The following KPNA6 variants were observed in gnomAD, a reference collection of about 807,000 sequenced individuals.
KPNA6 encodes the protein karyopherin subunit alpha 6.
KPNA6 carries 9 observed loss-of-function variants against 72.0 expected under a neutral mutation model. The ratio of observed to expected loss-of-function variants is 0.13; its 90% confidence interval spans 0.08 to 0.22. The LOEUF (loss-of-function observed/expected upper bound fraction) is 0.22. Among genes scored for constraint, KPNA6 ranks in the 10% least tolerant of loss-of-function variants. KPNA6 has a pLI of 1.00. For missense variants in KPNA6, 374 were observed against 655.7 expected (o/e 0.57, Z 4.69); for synonymous variants, 219 against 242.1 (o/e 0.90, Z 0.89).
At chr1:32,143,832 A>C (rs146266816) in intron 1 of KPNA6, among the ~76,000 whole-genome samples, 1 of 152,258 alleles carries the variant, frequency 6.6e-6, no homozygotes, top group East Asian at 1.9e-4. Flanking sequence ...ACCTCATGTA[A>C]GTGGAATATT....
chr1:32,162,465 T>C lies in KPNA6; in HGVS notation c.852T>C (p.Asn284=). 6.2e-7 allele frequency: 1 copy of C among 1,614,148 alleles called. No individual in the cohort carries two copies. The highest frequency in any genetic ancestry group is 8.5e-7 in the Non-Finnish European group (1 of 1,180,036). ...WALSYLSDGP[N]EKIQAVIDSG... is the part of the protein sequence containing the mutation. Reference sequence around the variant, plus strand: ...TTTCTTATCTGTCTGATGGCCCCAATGAGAAGATCCAGGCAGTCATAGACT... The same window carrying C: ...TTTCTTATCTGTCTGATGGCCCCAACGAGAAGATCCAGGCAGTCATAGACT... The change falls in exon 9 of 14, where the codon AAT becomes AAC. Residue 284 remains asparagine, a synonymous_variant. Coordinates refer to ENST00000373625, the MANE Select transcript of KPNA6 (RefSeq NM_012316.5).
intron 12 of KPNA6, among the ~76,000 whole-genome samples, chr1:32,168,293 G>A (rs1642374867): frequency 6.6e-6 from 1 of 152,190 alleles, no homozygotes; most frequent in African/African-American, 2.4e-5. Flanking sequence ...AGGTTCAAGC[G>A]ATTCTTCTGC....
chr1:32,138,357 A>G lies in KPNA6; in HGVS notation c.5-16231A>G, dbSNP rs948810627. 2.0e-5 allele frequency among the ~76,000 whole-genome samples: 3 copies of G among 151,982 alleles called. No homozygotes were observed. The East Asian group carries it at 5.8e-4, about 30-fold the overall frequency. On this transcript the variant is annotated intron_variant, in intron 1 of 13. Transcript: ENST00000373625. ...ATCAGGAGTCGAGACCAGCCTGACC[A>G]ACATGGAGAAACCCCATCTCTACTA... is the stretch of plus-strand genomic sequence containing the variant.
intron 1 of KPNA6, among the ~76,000 whole-genome samples, chr1:32,130,894 T>C (rs1187554474): frequency 6.6e-6 from 1 of 152,156 alleles, no homozygotes; most frequent in African/African-American, 2.4e-5. Context: ...TAGATAAACA[T>C]ATGCAGAAGA....
At chr1:32,147,611 T>G (rs1383545004) in intron 1 of KPNA6, among the ~76,000 whole-genome samples, 2 of 151,762 alleles carry the variant, frequency 1.3e-5, no homozygotes, top group Middle Eastern at 3.4e-3. Flanking sequence ...TTTCGGCACT[T>G]TCTTATTCTA....
In KPNA6 at chr1:32,133,154, G is replaced by GGCT. The variant is rs554090869; in HGVS notation, c.5-21434_5-21433insGCT. Among the ~76,000 whole-genome samples, 306 of 152,008 alleles carry GGCT rather than the reference G, an allele frequency of 2.0e-3. 1 individual carries two copies. The highest frequency in any genetic ancestry group is 6.8e-3 in the African/African-American group (282 of 41,514). ...AGCCCAGGAATTTGAGACTAGCCTG[G>GGCT]AAAACATGTTGAAACCTCATCTCTA... On this transcript the variant is annotated intron_variant, in intron 1 of 13. Coordinates refer to ENST00000373625, the MANE Select transcript of KPNA6 (RefSeq NM_012316.5).
At chr1:32,143,694 CAT>C (rs1641882388) in intron 1 of KPNA6, among the ~76,000 whole-genome samples, 1 of 151,812 alleles carries the variant, frequency 6.6e-6, no homozygotes, top group Non-Finnish European at 1.5e-5. Context: ...TGACCATCAT[CAT>C]CACTATTTCC....
intron 1 of KPNA6, among the ~76,000 whole-genome samples, chr1:32,113,948 C>T (rs1641283276): frequency 6.6e-6 from 1 of 152,154 alleles, no homozygotes; most frequent in African/African-American, 2.4e-5. Flanking sequence ...CAGTAACTTG[C>T]TCCATTGAAG....
At chr1:32,150,178 G>A (rs1234344613) in intron 1 of KPNA6, among the ~76,000 whole-genome samples, 1 of 142,154 alleles carries the variant, frequency 7.0e-6, no homozygotes, top group Non-Finnish European at 1.5e-5. Flanking sequence ...TATTGCCCAG[G>A]CTGTAGTGCA....
intron 1 of KPNA6, among the ~76,000 whole-genome samples, chr1:32,119,605 C>T (rs1469059635): frequency 2.6e-5 from 4 of 152,164 alleles, no homozygotes; most frequent in Non-Finnish European, 4.4e-5. Flanking sequence ...CAAAGGGAGA[C>T]TGTTAGATGA....
At chr1:32,116,465 CCTGACTAA>C (rs1185773330) in intron 1 of KPNA6, among the ~76,000 whole-genome samples, 1 of 152,094 alleles carries the variant, frequency 6.6e-6, no homozygotes, top group African/African-American at 2.4e-5. Flanking sequence ...TCAAGATCAG[CCTGACTAA>C]CATGGAGAAA....
In KPNA6 at chr1:32,154,700, G is replaced by A. The variant is rs918912345; in HGVS notation, c.117G>A (p.Arg39=). The change falls in exon 2 of 14, where the codon CGG becomes CGA. Residue 39 remains arginine, a synonymous_variant. Coordinates refer to ENST00000373625, the MANE Select transcript of KPNA6 (RefSeq NM_012316.5). The part of the protein sequence containing the change: ...RRREEEGIQL[R]KQKREQQLFK... ...GAGAGGAAGAGGGCATTCAGCTCCG[G>A]AAGCAGAAGCGAGAGCAACAAGTGA... is the stretch of plus-strand genomic sequence containing the variant. 2.5e-6 allele frequency: 4 copies of A among 1,613,958 alleles called. No individual in the cohort carries two copies. Among genetic ancestry groups the A allele is most frequent in the South Asian group, 1.1e-5 (1 of 91,084 alleles).
At chr1:32,153,771 G>T (rs779239767) in intron 1 of KPNA6, among the ~76,000 whole-genome samples, 8 of 152,078 alleles carry the variant, frequency 5.3e-5, no homozygotes, top group African/African-American at 7.2e-5. Context: ...TTTGTCAGTG[G>T]CAGTACTATG....
chr1:32,160,977 G>A (rs1642227498), intron 7 of KPNA6, among the ~76,000 whole-genome samples: 1 of 152,114 alleles, frequency 6.6e-6, no homozygotes, highest in Non-Finnish European at 1.5e-5. Flanking sequence ...GCAACATGGT[G>A]AAACCCCAAC....
At position 32,175,944 on chromosome 1, in the gene KPNA6, AAAAT is replaced by A. The variant is rs1464919972; in HGVS notation, c.*5054_*5057del. 6.6e-6 allele frequency: 1 copy of A among 151,880 alleles called. No homozygotes were observed. Among genetic ancestry groups the A allele is most frequent in the African/African-American group, 2.4e-5 (1 of 41,304 alleles). The allele number at this position is 151,880 out of a possible 1,614,324, so 9.4% of individuals were successfully genotyped here. On this transcript the variant is annotated 3_prime_UTR_variant, in exon 14 of 14. Transcript: ENST00000373625. ...AAAACCCCGTCCCTACAAAAATAAA[AAAAT>A]AAAAAAAATAAGCCAGGTGTGGTGG... is the stretch of plus-strand genomic sequence containing the variant.
chr1:32,133,320 G>A (rs1013200610), intron 1 of KPNA6, among the ~76,000 whole-genome samples: 1 of 151,668 alleles, frequency 6.6e-6, no homozygotes, highest in Non-Finnish European at 1.5e-5. Context: ...CTGCAGCCTC[G>A]GTGACAGAGC....
intron 1 of KPNA6, among the ~76,000 whole-genome samples, chr1:32,150,689 T>A (rs1263715630): frequency 1.3e-5 from 2 of 151,848 alleles, no homozygotes; most frequent in East Asian, 3.9e-4. Flanking sequence ...TGCAGTAGCA[T>A]GATCTCTGCT....
At chr1:32,122,949 C>T (rs986990702) in intron 1 of KPNA6, among the ~76,000 whole-genome samples, 6 of 142,944 alleles carry the variant, frequency 4.2e-5, no homozygotes, top group Admixed American at 2.8e-4. Context: ...AAGAGCGAAA[C>T]TCCATCTCAA....
chr1:32,170,981 C>G lies in KPNA6; in HGVS notation c.*87C>G, dbSNP rs1279011463. 4.5e-6 allele frequency: 5 copies of G among 1,116,296 alleles called. No individual in the cohort carries two copies. Among genetic ancestry groups the G allele is most frequent in the African/African-American group, 1.5e-5 (1 of 65,218 alleles). 69.1% of individuals were successfully genotyped at this position (1,116,296 alleles called of 1,614,324 possible). ...CTGGTGGGCGGGAAACCAGTGTCCC[C>G]ACCATCAGCCACCACACACCTCTGC... On this transcript the variant is annotated 3_prime_UTR_variant, in exon 14 of 14. Transcript: ENST00000373625.
Sources: allele counts gnomAD v4.1 joint callset (sites outside exome capture counted in the v4.1 genomes callset), GRCh38; gene constraint gnomAD v4.1.1; transcripts MANE v1.5; gene names NCBI Gene and HGNC (gene_info 2026-07-23, HGNC 2026-07-21).